The following TMTC4 variants were observed in gnomAD, a reference collection of about 807,000 sequenced individuals.
The protein encoded by TMTC4 is transmembrane O-mannosyltransferase targeting cadherins 4.
A neutral mutation model predicts 86.0 loss-of-function variants in TMTC4; 65 were observed. The observed-to-expected ratio is 0.76, with a 90% CI of 0.62 to 0.93. The LOEUF (loss-of-function observed/expected upper bound fraction) is 0.93, where lower values mean the gene tolerates loss of function less well. Ranked by LOEUF, TMTC4 falls within the 40% of genes least tolerant of loss-of-function variation. The probability of loss-of-function intolerance (pLI) is 0.00; values close to 1 mark genes in which losing one functional copy is unlikely to be tolerated. For synonymous variants in TMTC4, 379 were observed against 382.5 expected (o/e 0.99, Z 0.11); for missense variants, 866 against 948.1 (o/e 0.91, Z 1.14).
At chr13:100,623,645 G>GTTTTTTTTTT (rs58766408) in intron 15 of TMTC4, among the ~76,000 whole-genome samples, 1 of 113,280 alleles carries the variant, frequency 8.8e-6, no homozygotes, top group African/African-American at 3.5e-5. Flanking sequence ...GTTGGGTTTT[G>GTTTTTTTTTT]TTTTTTTTTT....
At chr13:100,612,546 A>G (rs1271160911) in intron 16 of TMTC4, 36 bp from the exon 17 acceptor site, 24 of 1,497,316 alleles carry the variant, frequency 1.6e-5, no homozygotes, top group Non-Finnish European at 2.2e-5. Flanking sequence ...AAGACATGTT[A>G]ATGTTGTACT....
intron 6 of TMTC4, among the ~76,000 whole-genome samples, chr13:100,649,730 G>A (rs1884192801): frequency 6.6e-6 from 1 of 150,904 alleles, no homozygotes. Context: ...CTTCACACTG[G>A]AAGAATCGCC....
At chr13:100,658,353 T>C (rs1044630455) in intron 5 of TMTC4, among the ~76,000 whole-genome samples, 1 of 152,052 alleles carries the variant, frequency 6.6e-6, no homozygotes, top group Non-Finnish European at 1.5e-5. Context: ...AGCTGGTGCA[T>C]CCTGGCTTTG....
At chr13:100,640,184 G>C (rs905546415) in intron 7 of TMTC4, among the ~76,000 whole-genome samples, 9 of 151,818 alleles carry the variant, frequency 5.9e-5, no homozygotes, top group Admixed American at 6.6e-5. Flanking sequence ...GCCCTCCAGG[G>C]GGGTGTTTGG....
chr13:100,611,869 T>A (rs1036769342), intron 17 of TMTC4, among the ~76,000 whole-genome samples: 2 of 152,224 alleles, frequency 1.3e-5, no homozygotes, highest in Non-Finnish European at 2.9e-5. Context: ...TGGTGGCCTA[T>A]ATAACTCAGA....
intron 7 of TMTC4, 80 bp from the exon 8 acceptor site, chr13:100,638,102 C>T (rs772276295): frequency 3.7e-6 from 4 of 1,082,856 alleles, no homozygotes; most frequent in Non-Finnish European, 5.6e-6. Context: ...AATTTCATTA[C>T]TCAATCTAGA....
chr13:100,655,715 A>G (rs1173827346), intron 6 of TMTC4, among the ~76,000 whole-genome samples: 1 of 152,240 alleles, frequency 6.6e-6, no homozygotes, highest in East Asian at 1.9e-4. Flanking sequence ...AGCTGTCCCC[A>G]AACTCTCTAA....
In TMTC4 at chr13:100,656,410, A is replaced by C. The variant is rs762909499; in HGVS notation, c.611T>G (p.Phe204Cys). ...LLCALFFLLS[F>C]LGYCKAFRES... ...TCTAAATGCTTTACAGTAGCCAAGGAAAGATAACAAGAAGAACAGGGCACA... is the reference window on the plus strand; with the variant it reads ...TCTAAATGCTTTACAGTAGCCAAGGCAAGATAACAAGAAGAACAGGGCACA... Residue 204 changes from phenylalanine to cysteine, a missense_variant, in exon 6 of 19, where the codon TTC (phenylalanine) becomes TGC (cysteine). Physicochemically the swap from Phe to Cys is radical, Grantham distance 205. Coordinates refer to ENST00000342624, the MANE Select transcript of TMTC4 (RefSeq NM_032813.5). 1.2e-6 allele frequency: 2 copies of C among 1,613,500 alleles called. No homozygotes were observed. The highest frequency in any genetic ancestry group is 8.5e-7 in the Non-Finnish European group (1 of 1,179,800).
At chr13:100,645,590 G>A (rs2138933681) in intron 6 of TMTC4, among the ~76,000 whole-genome samples, 1 of 152,160 alleles carries the variant, frequency 6.6e-6, no homozygotes, top group Non-Finnish European at 1.5e-5. Flanking sequence ...GTCCCTGACT[G>A]CCCCTGTGAG....
chr13:100,659,044 T>C (rs1885452298), intron 5 of TMTC4, among the ~76,000 whole-genome samples: 1 of 151,674 alleles, frequency 6.6e-6, no homozygotes, highest in African/African-American at 2.4e-5. Context: ...ACAAAGGCTA[T>C]TTTTTTTCTC....
At chr13:100,663,266 G>T in intron 4 of TMTC4, 86 bp from the exon 5 acceptor site, 1 of 1,197,960 alleles carries the variant, frequency 8.3e-7, no homozygotes, top group Non-Finnish European at 1.2e-6. Context: ...GCTTGTGTGT[G>T]GAAATATTAA....
At position 100,605,053 on chromosome 13, in the gene TMTC4, T is replaced by C; in HGVS notation, c.2224A>G (p.Lys742Glu). ...LQLDPTASGT[K>E]ENYGLLRRKL... Reference sequence around the variant, plus strand: ...CTTCTCAGCAGACCGTAATTCTCCTTAGTTCCTGATGCCGTGGGGTCAAGC... The same window carrying C: ...CTTCTCAGCAGACCGTAATTCTCCTCAGTTCCTGATGCCGTGGGGTCAAGC... Residue 742 changes from lysine to glutamate, a missense_variant, in exon 19 of 19, where the codon AAG becomes GAG. Transcript: ENST00000342624. This position sits in a 1 kb window ranked among gnomAD's most constrained non-coding sequence, Gnocchi z 4.3. 3 of 1,614,140 alleles carry C rather than the reference T, an allele frequency of 1.9e-6. No homozygotes were observed. Among genetic ancestry groups the C allele is most frequent in the Non-Finnish European group, 2.5e-6 (3 of 1,180,008 alleles).
intron 3 of TMTC4, among the ~76,000 whole-genome samples, chr13:100,667,895 C>G (rs1886586042): frequency 6.6e-6 from 1 of 152,198 alleles, no homozygotes; most frequent in African/African-American, 2.4e-5. Flanking sequence ...TCTTTTCCCA[C>G]AAACCTCTTT....
chr13:100,660,487 C>T (rs1233071745), intron 5 of TMTC4, among the ~76,000 whole-genome samples: 1 of 152,114 alleles, frequency 6.6e-6, no homozygotes, highest in Non-Finnish European at 1.5e-5. Flanking sequence ...GTCCTCATCT[C>T]ACAGGGATCT....
At chr13:100,617,294 C>T (rs1461799783) in intron 15 of TMTC4, among the ~76,000 whole-genome samples, 10 of 152,022 alleles carry the variant, frequency 6.6e-5, no homozygotes, top group African/African-American at 2.4e-4. Flanking sequence ...ACCACGATGC[C>T]CAGCTAATTT....
intron 17 of TMTC4, among the ~76,000 whole-genome samples, chr13:100,607,374 G>A (rs985968120): frequency 3.3e-5 from 5 of 152,082 alleles, no homozygotes; most frequent in African/African-American, 9.7e-5. Context: ...AAAATTAGCC[G>A]GGTGTGGTAG....
chr13:100,630,027 A>ATGTGTGTGTGTGTGTGTGTGTGTGTGTG (rs71121125), intron 12 of TMTC4, among the ~76,000 whole-genome samples: 1 of 46,106 alleles, frequency 2.2e-5, no homozygotes, highest in Non-Finnish European at 5.5e-5. Context: ...ATCTGTGTGT[A>ATGTGTGTGTGTGTGTGTGTGTGTGTGTG]TGTGTGTGTG....
intron 5 of TMTC4, among the ~76,000 whole-genome samples, chr13:100,659,852 G>A (rs1042241361): frequency 1.3e-5 from 2 of 148,638 alleles, no homozygotes; most frequent in Non-Finnish European, 3.0e-5. Context: ...CCCGGCTGTC[G>A]TTGCTTTAAA....
intron 16 of TMTC4, 22 bp from the exon 17 acceptor site, chr13:100,612,532 A>C: frequency 6.4e-7 from 1 of 1,568,592 alleles, no homozygotes; most frequent in Non-Finnish European, 8.8e-7. Context: ...AAATGGAAAA[A>C]TAAAAGACAT....
Sources: allele counts gnomAD v4.1 joint callset (sites outside exome capture counted in the v4.1 genomes callset), GRCh38; gene constraint gnomAD v4.1.1; non-coding constraint Gnocchi (gnomAD v3.1); transcripts MANE v1.5; gene names NCBI Gene and HGNC (gene_info 2026-07-23, HGNC 2026-07-21).